The following CSNK1G1 variants were observed in gnomAD, a reference collection of about 807,000 sequenced individuals.
CSNK1G1 encodes the protein casein kinase I isoform gamma-1.
CSNK1G1 carries 22 observed loss-of-function variants against 59.6 expected under a neutral mutation model. That is an observed-to-expected ratio of 0.37 (90% CI 0.26 to 0.53). The LOEUF (loss-of-function observed/expected upper bound fraction) is 0.53. Ranked by LOEUF, CSNK1G1 falls within the 20% of genes least tolerant of loss-of-function variation. The pLI is 0.89. For missense variants in CSNK1G1, 384 were observed against 519.5 expected (o/e 0.74, Z 2.54); for synonymous variants, 179 against 177.1 (o/e 1.01, Z -0.08).
intron 1 of CSNK1G1, among the ~76,000 whole-genome samples, chr15:64,334,650 G>A (rs948324150): frequency 2.0e-5 from 3 of 152,076 alleles, no homozygotes; most frequent in Admixed American, 6.6e-5. Flanking sequence ...TCCCTCTCAC[G>A]TGCAGTTCAC....
chr15:64,170,636 G>A lies in CSNK1G1; in HGVS notation c.*1295C>T, dbSNP rs1421013405. 1 of 152,606 alleles carries A rather than the reference G, an allele frequency of 6.6e-6. No individual in the cohort carries two copies. Among genetic ancestry groups the A allele is most frequent in the South Asian group, 2.1e-4 (1 of 4,828 alleles). The allele number at this position is 152,606 out of a possible 1,614,324, so 9.5% of individuals were successfully genotyped here. On this transcript the variant is annotated 3_prime_UTR_variant, in exon 12 of 12. Transcript: ENST00000303052. ...AGGTCCCTCTGGCAGGTGGAAGGCA[G>A]GTTCACTGTCCTCTTTTTTTCCACT...
intron 4 of CSNK1G1, among the ~76,000 whole-genome samples, chr15:64,226,001 C>T (rs1177814721): frequency 2.0e-5 from 3 of 152,280 alleles, no homozygotes; most frequent in African/African-American, 2.4e-5. Context: ...CGCTCAAGCC[C>T]GCTCCCACTC....
rs1895788553 is a variant in CSNK1G1 at position 64,308,160 on chromosome 15, A to G, written c.-224-7437T>C. Among the ~76,000 whole-genome samples, 3 of 152,198 alleles carry G rather than the reference A, an allele frequency of 2.0e-5. No homozygotes were observed. In the South Asian group the frequency reaches 6.2e-4, roughly 31 times the overall value. The stretch of plus-strand genomic sequence containing the variant: ...ACAACTAAAAAGTAAATTATAAATA[A>G]AATTTGTCTTTGGGTTTACACCTTC... On this transcript the variant is annotated intron_variant, in intron 1 of 11. Coordinates refer to ENST00000303052, the MANE Select transcript of CSNK1G1 (RefSeq NM_022048.5).
intron 4 of CSNK1G1, among the ~76,000 whole-genome samples, chr15:64,228,343 G>C (rs2082489833): frequency 6.6e-6 from 1 of 152,156 alleles, no homozygotes; most frequent in Non-Finnish European, 1.5e-5. Flanking sequence ...GCAGTAAAAA[G>C]CATATAAAGA....
At position 64,277,759 on chromosome 15, in the gene CSNK1G1, A is replaced by ATTAATATT. The variant is rs1491099196; in HGVS notation, c.182-18519_182-18518insAATATTAA. Among the ~76,000 whole-genome samples the ATTAATATT allele has an allele frequency of 6.4e-4, 44 of 68,986 alleles. 7 individuals carry two copies. Among genetic ancestry groups the ATTAATATT allele is most frequent in the East Asian group, 2.8e-3 (2 of 726 alleles). The allele number at this position is 68,986 out of a possible 152,430, so 45.3% of individuals were successfully genotyped here. A position where few individuals can be genotyped will look rare whatever the true frequency, so the allele number is the denominator to read the frequency against. On this transcript the variant is annotated intron_variant, in intron 2 of 11. Coordinates refer to ENST00000303052, the MANE Select transcript of CSNK1G1 (RefSeq NM_022048.5). ...TTAATATTGATATATTTAATAATAT[A>ATTAATATT]GCAATATTGATATATTTAATAATAT...
intron 2 of CSNK1G1, among the ~76,000 whole-genome samples, chr15:64,297,644 C>A (rs1279736558): frequency 4.0e-5 from 6 of 151,658 alleles, no homozygotes; most frequent in Admixed American, 3.3e-4. Context: ...GCTGCGTGAG[C>A]TATGATCATG....
At chr15:64,172,046 G>A in intron 11 of CSNK1G1, 61 bp from the exon 12 acceptor site, 3 of 1,477,442 alleles carry the variant, frequency 2.0e-6, no homozygotes, top group Non-Finnish European at 2.8e-6. Flanking sequence ...GCAGACTTCT[G>A]CCTGCTTCTG....
At chr15:64,198,157 G>A (rs987595999) in intron 10 of CSNK1G1, among the ~76,000 whole-genome samples, 1 of 149,910 alleles carries the variant, frequency 6.7e-6, no homozygotes, top group Admixed American at 6.7e-5. Flanking sequence ...GCTCTTTGAG[G>A]ACAAGGACTC....
chr15:64,244,689 C>T (rs1891659793), intron 4 of CSNK1G1, among the ~76,000 whole-genome samples: 1 of 151,994 alleles, frequency 6.6e-6, no homozygotes, highest in Non-Finnish European at 1.5e-5. Context: ...TTGATGCCTG[C>T]CTGTGTAACA....
At chr15:64,280,609 C>G (rs1894072852) in intron 2 of CSNK1G1, among the ~76,000 whole-genome samples, 1 of 152,064 alleles carries the variant, frequency 6.6e-6, no homozygotes. Flanking sequence ...ATCTGCCCGG[C>G]TCGGCCTCCC....
intron 7 of CSNK1G1, among the ~76,000 whole-genome samples, chr15:64,205,813 A>C (rs2082171240): frequency 6.6e-6 from 1 of 152,216 alleles, no homozygotes; most frequent in Non-Finnish European, 1.5e-5. Context: ...GAAGATGTAT[A>C]TGACAGGAGA....
intron 3 of CSNK1G1, among the ~76,000 whole-genome samples, chr15:64,257,123 C>T (rs763444800): frequency 1.1e-4 from 16 of 151,420 alleles, no homozygotes; most frequent in Admixed American, 5.3e-4. Context: ...AAGAGAAATG[C>T]GGTACTGAGT....
intron 1 of CSNK1G1, among the ~76,000 whole-genome samples, chr15:64,336,273 C>G (rs1029060464): frequency 1.2e-4 from 18 of 152,088 alleles, no homozygotes; most frequent in Non-Finnish European, 2.6e-4. Flanking sequence ...CATTTCACTC[C>G]TTATTCTATT....
rs529254756 is a variant in CSNK1G1, at chr15:64,268,554, G to A, written c.182-9313C>T. 3.7e-4 allele frequency among the ~76,000 whole-genome samples: 56 copies of A among 152,282 alleles called. No individual in the cohort carries two copies. In the South Asian group the frequency reaches 0.01, roughly 28 times the overall value. ...CCTCATGTCTGTGTGGGTTTCTTCT[G>A]GGTACTCCAGTTTCTTCCCACATCC... On this transcript the variant is annotated intron_variant, in intron 2 of 11. Coordinates refer to ENST00000303052, the MANE Select transcript of CSNK1G1 (RefSeq NM_022048.5).
chr15:64,238,451 C>T (rs1339881479), intron 4 of CSNK1G1, among the ~76,000 whole-genome samples: 1 of 138,302 alleles, frequency 7.2e-6, no homozygotes, highest in Non-Finnish European at 1.5e-5. Flanking sequence ...TATGATCACG[C>T]CACTACACTC....
intron 2 of CSNK1G1, among the ~76,000 whole-genome samples, chr15:64,269,516 C>T (rs1289044394): frequency 3.0e-5 from 4 of 134,282 alleles, no homozygotes; most frequent in African/African-American, 5.6e-5. Flanking sequence ...TTTTTTGAGA[C>T]GGAGTCTTGC....
intron 9 of CSNK1G1, among the ~76,000 whole-genome samples, chr15:64,203,860 G>T (rs1421866502): frequency 1.3e-5 from 2 of 151,960 alleles, no homozygotes; most frequent in African/African-American, 4.8e-5. Flanking sequence ...CTGAATCATG[G>T]GGCCAGGTGT....
At chr15:64,276,187 T>C (rs1893606073) in intron 2 of CSNK1G1, among the ~76,000 whole-genome samples, 1 of 152,152 alleles carries the variant, frequency 6.6e-6, no homozygotes. Context: ...TTTCAGAAAG[T>C]GTCTATGTAC....
chr15:64,219,621 G>T (rs972673993), intron 4 of CSNK1G1, among the ~76,000 whole-genome samples: 2 of 151,866 alleles, frequency 1.3e-5, no homozygotes, highest in Non-Finnish European at 2.9e-5. Flanking sequence ...ACCACATCGG[G>T]CTAGTTTCTT....
Sources: gnomAD v4.1 joint callset for allele counts (sites outside exome capture counted in the v4.1 genomes callset) on GRCh38, gnomAD v4.1.1 for gene constraint, MANE v1.5 for transcripts, NCBI Gene and HGNC (gene_info 2026-07-23, HGNC 2026-07-21) for gene names.